The following FNDC3B variants were observed in gnomAD, a reference collection of about 807,000 sequenced individuals.
FNDC3B encodes the protein fibronectin type III domain-containing protein 3B.
FNDC3B carries 12 observed loss-of-function variants against 151.5 expected under a neutral mutation model. The ratio of observed to expected loss-of-function variants is 0.08; its 90% CI spans 0.05 to 0.13. The LOEUF (loss-of-function observed/expected upper bound fraction) is 0.13, where lower values mean the gene tolerates loss of function less well. Among genes scored for constraint, FNDC3B ranks in the 10% least tolerant of loss-of-function variants. FNDC3B has a pLI of 1.00. For missense variants in FNDC3B, 1,214 were observed against 1,505.3 expected (o/e 0.81, Z 3.20); for synonymous variants, 528 against 549.0 (o/e 0.96, Z 0.54).
In FNDC3B at chr3:172,344,200, G is replaced by A; in HGVS notation, c.2192G>A (p.Gly731Asp). Reference protein sequence around the residue: ...YHGPELECTVGNLLPGTVYRF... With the variant: ...YHGPELECTVDNLLPGTVYRF... The stretch of plus-strand genomic sequence containing the variant: ...GGCCCAGAGCTGGAGTGCACCGTCG[G>A]CAACCTGCTTCCTGGAACCGTGTAT... The change falls in exon 19 of 26, where the codon GGC (glycine) becomes GAC (aspartate). Residue 731 changes from glycine to aspartate, a missense_variant. By Grantham distance (94) the Gly-to-Asp change is moderately conservative (BLOSUM62 -1). This residue lies in a region of FNDC3B where 380 missense variants were observed against 420.9 expected (regional missense o/e 0.90). Transcript: ENST00000415807. 6.2e-7 allele frequency: 1 copy of A among 1,614,148 alleles called. No homozygotes were observed. Among genetic ancestry groups the A allele is most frequent in the Non-Finnish European group, 8.5e-7 (1 of 1,179,982 alleles).
intron 3 of FNDC3B, chr3:172,186,835 G>A (rs61105456): frequency 7.5e-6 from 5 of 664,716 alleles, no homozygotes; most frequent in Non-Finnish European, 1.1e-5. Flanking sequence ...AGCACTTCGC[G>A]GTGTGGCTTT....
intron 3 of FNDC3B, among the ~76,000 whole-genome samples, chr3:172,210,101 G>A (rs1238259784): frequency 6.6e-6 from 1 of 152,162 alleles, no homozygotes; most frequent in Non-Finnish European, 1.5e-5. Context: ...CTGCAGCTGG[G>A]TGGCTGCAGC....
At chr3:172,223,080 T>C (rs901723135) in intron 3 of FNDC3B, among the ~76,000 whole-genome samples, 1 of 152,244 alleles carries the variant, frequency 6.6e-6, no homozygotes, top group Non-Finnish European at 1.5e-5. Flanking sequence ...TCATTAACAA[T>C]TGCTAGCAGA....
chr3:172,311,648 C>T lies in FNDC3B; in HGVS notation c.1254+767C>T, dbSNP rs562571770. Among the ~76,000 whole-genome samples, 248 of 150,224 alleles carry T rather than the reference C, an allele frequency of 1.7e-3. 1 individual carries two copies. Among genetic ancestry groups the T allele is most frequent in the African/African-American group, 5.9e-3 (242 of 40,870 alleles). On this transcript the variant is annotated intron_variant, in intron 11 of 25. Transcript: ENST00000415807. ...TTGGGAGGCCAAGGCAGGTGGATCA[C>T]GAGGTCAGGAGATCAAGACCATCCT...
chr3:172,071,215 A>G (rs1451607834), intron 1 of FNDC3B, among the ~76,000 whole-genome samples: 2 of 152,210 alleles, frequency 1.3e-5, no homozygotes, highest in Non-Finnish European at 1.5e-5. Flanking sequence ...TTCAGTCATT[A>G]TATTTCCCAG....
At chr3:172,080,385 C>T (rs1718222459) in intron 1 of FNDC3B, among the ~76,000 whole-genome samples, 1 of 152,140 alleles carries the variant, frequency 6.6e-6, no homozygotes, top group African/African-American at 2.4e-5. Context: ...ATCCTTCTGC[C>T]TCAGCCTCCC....
At chr3:172,308,828 A>G (rs1036578458) in intron 10 of FNDC3B, among the ~76,000 whole-genome samples, 12 of 152,244 alleles carry the variant, frequency 7.9e-5, no homozygotes, top group Non-Finnish European at 1.6e-4. Context: ...CATCCATTTA[A>G]AAAATGTGCT....
Position 172,394,106 on chromosome 3 carries a change from TAAAAAAAAAAA to T in FNDC3B, c.3304-3038_3304-3028del, listed in dbSNP as rs60559371. Among the ~76,000 whole-genome samples the T allele has an allele frequency of 1.7e-3, 29 of 16,648 alleles. 2 individuals carry two copies. The highest frequency in any genetic ancestry group is 4.0e-3 in the Admixed American group (4 of 988). 10.9% of individuals were successfully genotyped at this position (16,648 alleles called of 152,430 possible). ...CTGGGTGACAGAGTGAGACTCCTTC[TAAAAAAAAAAA>T]AAAAAAAAAAAAAAAAAAATGGATA... On this transcript the variant is annotated intron_variant, in intron 25 of 25. Coordinates refer to ENST00000415807, the MANE Select transcript of FNDC3B (RefSeq NM_022763.4).
Position 172,394,355 on chromosome 3 carries a change from T to C in FNDC3B, c.3304-2809T>C, listed in dbSNP as rs1560115023. ...AGATCAACAAAACTAAGAGTTGTTTTTCTGAAAAGATAAAAATCAACAAAT... is the reference window on the plus strand; with the variant it reads ...AGATCAACAAAACTAAGAGTTGTTTCTCTGAAAAGATAAAAATCAACAAAT... On this transcript the variant is annotated intron_variant, in intron 25 of 25. Transcript: ENST00000415807. Among the ~76,000 whole-genome samples, 3 of 152,076 alleles carry C rather than the reference T, an allele frequency of 2.0e-5. 1 individual carries two copies. The highest frequency in any genetic ancestry group is 6.8e-3 in the Middle Eastern group (2 of 294).
intron 2 of FNDC3B, among the ~76,000 whole-genome samples, chr3:172,112,883 T>G (rs1457494685): frequency 6.6e-6 from 1 of 152,232 alleles, no homozygotes; most frequent in African/African-American, 2.4e-5. Context: ...TTATTCATGC[T>G]GTATTGTGCT....
At chr3:172,315,765 C>T (rs1259599238) in intron 11 of FNDC3B, among the ~76,000 whole-genome samples, 2 of 152,150 alleles carry the variant, frequency 1.3e-5, no homozygotes, top group South Asian at 2.1e-4. Flanking sequence ...AGATCAGAAG[C>T]TCCTAAAAAG....
intron 2 of FNDC3B, among the ~76,000 whole-genome samples, chr3:172,132,775 A>T (rs1414237224): frequency 6.6e-6 from 1 of 152,124 alleles, no homozygotes; most frequent in Non-Finnish European, 1.5e-5. Context: ...TCCTTTGATT[A>T]TCCTTTGATT....
At chr3:172,390,172 A>G (rs747646035) in intron 25 of FNDC3B, among the ~76,000 whole-genome samples, 1 of 152,232 alleles carries the variant, frequency 6.6e-6, no homozygotes, top group Non-Finnish European at 1.5e-5. Context: ...GTCTCACTCA[A>G]TATATTTATC....
At chr3:172,134,879 G>T (rs1721283909) in intron 3 of FNDC3B, among the ~76,000 whole-genome samples, 1 of 151,504 alleles carries the variant, frequency 6.6e-6, no homozygotes, top group African/African-American at 2.4e-5. Flanking sequence ...AGGAAGAGAA[G>T]AAATATTTTT....
intron 3 of FNDC3B, among the ~76,000 whole-genome samples, chr3:172,192,730 A>AATAT (rs147939000): frequency 4.0e-5 from 6 of 150,592 alleles, no homozygotes; most frequent in South Asian, 2.1e-4. Context: ...ACAGGGCATG[A>AATAT]ATATATATAT....
intron 3 of FNDC3B, among the ~76,000 whole-genome samples, chr3:172,154,194 A>G (rs142528149): frequency 6.6e-6 from 1 of 152,166 alleles, no homozygotes; most frequent in Non-Finnish European, 1.5e-5. Flanking sequence ...TGGGACTTTA[A>G]TTGTAATCTG....
At chr3:172,208,894 C>A (rs1181126753) in intron 3 of FNDC3B, among the ~76,000 whole-genome samples, 5 of 152,150 alleles carry the variant, frequency 3.3e-5, no homozygotes, top group Non-Finnish European at 5.9e-5. Context: ...AGCATAGGTG[C>A]TGGCTCCGTG....
intron 1 of FNDC3B, among the ~76,000 whole-genome samples, chr3:172,088,806 C>G (rs1401018887): frequency 2.6e-5 from 4 of 152,072 alleles, no homozygotes; most frequent in Non-Finnish European, 5.9e-5. Flanking sequence ...CAAAAGGTAG[C>G]CATTATGATT....
At chr3:172,302,778 G>T (rs1730982529) in intron 9 of FNDC3B, 1 of 152,010 alleles carries the variant, frequency 6.6e-6, no homozygotes, top group African/African-American at 2.4e-5. Flanking sequence ...AGATTATTCA[G>T]TGCTTCTGTA....
Sources: gnomAD v4.1 joint callset for allele counts (sites outside exome capture counted in the v4.1 genomes callset) on GRCh38, gnomAD v4.1.1 for gene constraint, gnomAD v4.1.1 regional missense constraint, MANE v1.5 for transcripts, NCBI Gene and HGNC (gene_info 2026-07-23, HGNC 2026-07-21) for gene names.